Variants in EYA4 observed in about 807,000 individuals in gnomAD.
EYA4 encodes the protein protein phosphatase EYA4.
EYA4 carries 31 observed loss-of-function variants against 87.9 expected under a neutral mutation model. The ratio of observed to expected loss-of-function variants is 0.35; its 90% CI spans 0.27 to 0.48. EYA4 has a LOEUF of 0.48. EYA4 is among the 20% of genes least tolerant of loss of function. The pLI is 0.99. For synonymous variants in EYA4, 263 were observed against 270.6 expected, an observed-to-expected ratio of 0.97 and a Z score of 0.28; for missense variants, 678 against 761.4, an observed-to-expected ratio of 0.89 and a Z score of 1.29.
At chr6:133,403,201 G>T (rs1008336647) in intron 3 of EYA4, among the ~76,000 whole-genome samples, 2 of 152,126 alleles carry the variant, frequency 1.3e-5, no homozygotes, top group African/African-American at 2.4e-5. Flanking sequence ...CACTAAATTA[G>T]AATTTATGTG....
chr6:133,464,497 C>T (rs1162476011), intron 9 of EYA4, among the ~76,000 whole-genome samples: 1 of 152,112 alleles, frequency 6.6e-6, no homozygotes, highest in East Asian at 1.9e-4. Flanking sequence ...TTGCATACCC[C>T]TGCACTTCTA....
intron 11 of EYA4, among the ~76,000 whole-genome samples, chr6:133,474,043 G>A (rs907956364): frequency 1.3e-5 from 2 of 151,932 alleles, no homozygotes; most frequent in African/African-American, 4.8e-5. Context: ...GATATTTCAC[G>A]ACCTCTTATC....
At chr6:133,334,260 G>T (rs1782199337) in intron 2 of EYA4, among the ~76,000 whole-genome samples, 1 of 152,238 alleles carries the variant, frequency 6.6e-6, no homozygotes, top group Non-Finnish European at 1.5e-5. Flanking sequence ...AGACTAAATT[G>T]TCTGTGATGT....
intron 3 of EYA4, among the ~76,000 whole-genome samples, chr6:133,433,335 A>C (rs187526087): frequency 8.5e-4 from 129 of 152,330 alleles, no homozygotes; most frequent in Non-Finnish European, 2.4e-4. Flanking sequence ...CTTAGAACAC[A>C]TAGAATTCAG....
At chr6:133,379,738 A>G (rs1786016815) in intron 2 of EYA4, among the ~76,000 whole-genome samples, 1 of 152,108 alleles carries the variant, frequency 6.6e-6, no homozygotes, top group Non-Finnish European at 1.5e-5. Flanking sequence ...ACACCTACTC[A>G]GGGCTGGGGA....
intron 2 of EYA4, among the ~76,000 whole-genome samples, chr6:133,283,931 A>G (rs1777829199): frequency 6.6e-6 from 1 of 152,150 alleles, no homozygotes. Flanking sequence ...AAGTGAAAAT[A>G]TGTGATATTG....
chr6:133,412,570 T>G (rs1223946570), intron 3 of EYA4, among the ~76,000 whole-genome samples: 1 of 152,218 alleles, frequency 6.6e-6, no homozygotes, highest in Non-Finnish European at 1.5e-5. Flanking sequence ...TTTGTAAAAT[T>G]TATGCATTTT....
At position 133,531,294 on chromosome 6, in the gene EYA4, C is replaced by T; in HGVS notation, c.*2489C>T. The T allele has an allele frequency of 1.6e-6, 2 of 1,238,528 alleles. No individual in the cohort carries two copies. Among genetic ancestry groups the T allele is most frequent in the Non-Finnish European group, 2.3e-6 (2 of 877,466 alleles). The allele number at this position is 1,238,528 out of a possible 1,614,324, so 76.7% of individuals were successfully genotyped here. ...ACAATGGTGCAGGCCCACGAGCCAGCATCACAGCTTGGCCATGGGACGTTG... is the reference window on the plus strand; with the variant it reads ...ACAATGGTGCAGGCCCACGAGCCAGTATCACAGCTTGGCCATGGGACGTTG... On this transcript the variant is annotated 3_prime_UTR_variant, in exon 20 of 20. Coordinates refer to ENST00000355286, the MANE Select transcript of EYA4 (RefSeq NM_004100.5).
rs56261819 is a variant in EYA4 at position 133,439,049 on chromosome 6, C to CAAAAAAAAAA, written c.84-7563_84-7554dup. ...TGGGTGACAAAGCGAGACTCCGTCTCAAAAAAAAAAAAAAAAAAAAAAAAA... is the reference window on the plus strand; with the variant it reads ...TGGGTGACAAAGCGAGACTCCGTCTCAAAAAAAAAAAAAAAAAAAAAAAAAAAAAAAAAAA... On this transcript the variant is annotated intron_variant, in intron 3 of 19. Coordinates refer to ENST00000355286, the MANE Select transcript of EYA4 (RefSeq NM_004100.5). Among the ~76,000 whole-genome samples, 33 of 64,032 alleles carry CAAAAAAAAAA rather than the reference C, an allele frequency of 5.2e-4. 2 individuals are homozygous for CAAAAAAAAAA. Among genetic ancestry groups the CAAAAAAAAAA allele is most frequent in the Non-Finnish European group, 6.8e-4 (26 of 38,064 alleles). 42.0% of individuals were successfully genotyped at this position (64,032 alleles called of 152,430 possible). A position where few individuals can be genotyped will look rare whatever the true frequency, so the allele number is the denominator to read the frequency against.
chr6:133,308,609 G>T (rs7764052), intron 2 of EYA4, among the ~76,000 whole-genome samples: 105,001 of 152,016 alleles, frequency 0.69, 36,403 homozygotes, highest in East Asian at 0.8. Flanking sequence ...TACCCAGTGT[G>T]TAGCTCCCAC....
chr6:133,445,728 G>A (rs73544919), intron 3 of EYA4, among the ~76,000 whole-genome samples: 21,668 of 151,940 alleles, frequency 0.14, 2,400 homozygotes, highest in East Asian at 0.31. Context: ...ACAGGCGCCC[G>A]CCACCAAGCC....
At chr6:133,349,940 A>G (rs1783509224) in intron 2 of EYA4, among the ~76,000 whole-genome samples, 1 of 152,076 alleles carries the variant, frequency 6.6e-6, no homozygotes, top group African/African-American at 2.4e-5. Flanking sequence ...TCAGACATCT[A>G]TCTATTTTAG....
rs369637253 is a variant in EYA4, at chr6:133,461,352, T to C, written c.437+172T>C. Among the ~76,000 whole-genome samples the C allele has an allele frequency of 1.6e-4, 25 of 152,304 alleles. 1 individual carries two copies. In the East Asian group the frequency reaches 4.4e-3, roughly 27 times the overall value. ...GATGATTCCCTTGAATATTTATGTA[T>C]ACCTTGAGAAAAATATCAAGCTCAA... is the stretch of plus-strand genomic sequence containing the variant. On this transcript the variant is annotated intron_variant, in intron 7 of 19. Coordinates refer to ENST00000355286, the MANE Select transcript of EYA4 (RefSeq NM_004100.5).
chr6:133,333,104 T>C (rs1055873547), intron 2 of EYA4, among the ~76,000 whole-genome samples: 2 of 152,206 alleles, frequency 1.3e-5, no homozygotes, highest in Non-Finnish European at 2.9e-5. Context: ...GCTTTTGCTT[T>C]CCTTCCTATA....
At chr6:133,410,711 T>C (rs1789149703) in intron 3 of EYA4, among the ~76,000 whole-genome samples, 1 of 151,622 alleles carries the variant, frequency 6.6e-6, no homozygotes, top group African/African-American at 2.4e-5. Context: ...CAGTCCCTCC[T>C]GTTGGCAGGG....
intron 3 of EYA4, among the ~76,000 whole-genome samples, chr6:133,423,955 T>C (rs1394947186): frequency 6.6e-6 from 1 of 152,150 alleles, no homozygotes; most frequent in Non-Finnish European, 1.5e-5. Flanking sequence ...GAGTTTTATT[T>C]AGTGTCACAA....
chr6:133,438,493 C>G (rs1791924708), intron 3 of EYA4, among the ~76,000 whole-genome samples: 1 of 150,656 alleles, frequency 6.6e-6, no homozygotes, highest in Admixed American at 6.7e-5. Context: ...CCCAGGATCC[C>G]TTATTCGAAT....
At chr6:133,351,415 T>C (rs1340991154) in intron 2 of EYA4, among the ~76,000 whole-genome samples, 1 of 152,186 alleles carries the variant, frequency 6.6e-6, no homozygotes, top group Non-Finnish European at 1.5e-5. Flanking sequence ...AGCAACTATA[T>C]AGTGAGTCCC....
intron 2 of EYA4, among the ~76,000 whole-genome samples, chr6:133,364,885 A>G (rs1163843031): frequency 6.6e-6 from 1 of 152,188 alleles, no homozygotes; most frequent in East Asian, 1.9e-4. Context: ...TTAATAAGAC[A>G]GTTGGGTCAT....
Sources: allele counts gnomAD v4.1 joint callset (sites outside exome capture counted in the v4.1 genomes callset), GRCh38; gene constraint gnomAD v4.1.1; transcripts MANE v1.5; gene names NCBI Gene and HGNC (gene_info 2026-07-23, HGNC 2026-07-21).